MYO3B: variants seen among roughly 807,000 people sequenced by gnomAD.
MYO3B encodes the protein myosin-IIIb.
In MYO3B, 156 loss-of-function variants were observed where a neutral mutation model predicts 174.6. The observed-to-expected ratio is 0.89, with a 90% CI of 0.78 to 1.02. MYO3B has a LOEUF of 1.02. MYO3B is among the 50% of genes least tolerant of loss of function. The probability of loss-of-function intolerance (pLI) is 0.00; values close to 1 mark genes in which losing one functional copy is unlikely to be tolerated. For missense variants in MYO3B, 1,632 were observed against 1,639.4 expected, an observed-to-expected ratio of 1.00 and a Z score of 0.08; for synonymous variants, 563 against 569.1, an observed-to-expected ratio of 0.99 and a Z score of 0.15.
chr2:170,480,350 T>G (rs1002564231), intron 25 of MYO3B, among the ~76,000 whole-genome samples: 32 of 152,066 alleles, frequency 2.1e-4, no homozygotes, highest in African/African-American at 7.7e-4. Flanking sequence ...CCCAAGAGGT[T>G]TGGATTCTGG....
At chr2:170,313,629 C>G (rs764156042) in intron 7 of MYO3B, among the ~76,000 whole-genome samples, 13 of 152,178 alleles carry the variant, frequency 8.5e-5, no homozygotes, top group Admixed American at 3.9e-4. Context: ...TGTCAGCAAG[C>G]ATGATCTCTT....
intron 32 of MYO3B, among the ~76,000 whole-genome samples, chr2:170,646,271 C>CAA (rs746578328): frequency 1.3e-3 from 155 of 121,344 alleles, no homozygotes; most frequent in Admixed American, 1.8e-3. Context: ...AACTCTGTCT[C>CAA]AAAAAAAAAA....
At chr2:170,399,750 A>C (rs2094463298) in intron 16 of MYO3B, among the ~76,000 whole-genome samples, 1 of 152,206 alleles carries the variant, frequency 6.6e-6, no homozygotes, top group Non-Finnish European at 1.5e-5. Context: ...GGTATTAGTT[A>C]GGGTAAAAGG....
chr2:170,549,104 C>T (rs542788529), intron 32 of MYO3B, among the ~76,000 whole-genome samples: 1 of 152,164 alleles, frequency 6.6e-6, no homozygotes, highest in South Asian at 2.1e-4. Context: ...TATTAGGTAC[C>T]ATGCCAGGCC....
intron 32 of MYO3B, among the ~76,000 whole-genome samples, chr2:170,623,810 G>A (rs1696150387): frequency 6.6e-6 from 1 of 152,090 alleles, no homozygotes; most frequent in Admixed American, 6.5e-5. Flanking sequence ...AGTTTTCCCA[G>A]CACCATTTGT....
intron 32 of MYO3B, chr2:170,640,356 T>G (rs1418632308): frequency 2.6e-5 from 4 of 152,234 alleles, no homozygotes; most frequent in Non-Finnish European, 4.4e-5. Flanking sequence ...ATGTTTTATC[T>G]TTTCATATAT....
intron 16 of MYO3B, among the ~76,000 whole-genome samples, chr2:170,395,547 T>C (rs1350546748): frequency 1.3e-5 from 2 of 152,160 alleles, no homozygotes; most frequent in Non-Finnish European, 2.9e-5. Context: ...GATTGAAGGA[T>C]TATATGTGAA....
At chr2:170,310,218 T>A (rs553517347) in intron 7 of MYO3B, among the ~76,000 whole-genome samples, 1 of 152,280 alleles carries the variant, frequency 6.6e-6, no homozygotes, top group South Asian at 2.1e-4. Flanking sequence ...CTGTAAAATA[T>A]TTGAAGAGAT....
At chr2:170,525,212 G>A (rs1317873853) in intron 30 of MYO3B, among the ~76,000 whole-genome samples, 1 of 152,170 alleles carries the variant, frequency 6.6e-6, no homozygotes, top group Non-Finnish European at 1.5e-5. Context: ...AGTTAACTTG[G>A]CTGGAGAGAA....
chr2:170,639,584 A>G (rs1697797606), intron 32 of MYO3B, among the ~76,000 whole-genome samples: 1 of 152,226 alleles, frequency 6.6e-6, no homozygotes. Context: ...GCAAAACAAA[A>G]AGACAGCAAG....
chr2:170,534,313 A>G (rs532388329), intron 30 of MYO3B, among the ~76,000 whole-genome samples: 1 of 152,244 alleles, frequency 6.6e-6, no homozygotes, highest in Non-Finnish European at 1.5e-5. Context: ...TGCACTGGGA[A>G]GCCAAAAAAT....
In MYO3B at chr2:170,543,906, G is replaced by A. The variant is rs752826061; in HGVS notation, c.3651G>A (p.Gly1217=). The change falls in exon 32 of 35, where the codon GGG becomes GGA. Residue 1217 remains glycine, a synonymous_variant. Coordinates refer to ENST00000408978, the MANE Select transcript of MYO3B (RefSeq NM_138995.5). ...AGHANKHSVS[G]TDLLSSRICH... ...TTTTTCTGAAGCACTCGGTTTCTGG[G>A]ACTGATTTGCTGTCTTCTCGGATAT... 1 of 1,612,868 alleles carries A rather than the reference G, an allele frequency of 6.2e-7. No homozygotes were observed.
rs557697749 is a variant in MYO3B at position 170,490,090 on chromosome 2, G to A, written c.3015-8502G>A. On this transcript the variant is annotated intron_variant, in intron 25 of 34. Coordinates refer to ENST00000408978, the MANE Select transcript of MYO3B (RefSeq NM_138995.5). Reference sequence around the variant, plus strand: ...GTTGCCCAGGCTGGAGTGCAGTGGCGTGATCTTGGCTCACTGCAACCTCCG... The same window carrying A: ...GTTGCCCAGGCTGGAGTGCAGTGGCATGATCTTGGCTCACTGCAACCTCCG... Among the ~76,000 whole-genome samples, 118 of 148,254 alleles carry A rather than the reference G, an allele frequency of 8.0e-4. 1 individual carries two copies. Among genetic ancestry groups the A allele is most frequent in the South Asian group, 2.8e-3 (13 of 4,714 alleles).
chr2:170,272,397 T>C (rs921224591), intron 7 of MYO3B, among the ~76,000 whole-genome samples: 1 of 152,172 alleles, frequency 6.6e-6, no homozygotes, highest in African/African-American at 2.4e-5. Context: ...CTGGTCTCCC[T>C]ACTTCCAGAG....
At position 170,600,814 on chromosome 2, in the gene MYO3B, A is replaced by G. The variant is rs188848607; in HGVS notation, c.3734-50814A>G. Among the ~76,000 whole-genome samples the G allele has an allele frequency of 4.3e-4, 66 of 152,328 alleles. 1 individual carries two copies. In the East Asian group the frequency reaches 0.011, roughly 25 times the overall value. ...GTTAAAGAATAGAGTCCTCATGTAA[A>G]GGATAAAGCATACTTTTCTATTAGT... is the stretch of plus-strand genomic sequence containing the variant. On this transcript the variant is annotated intron_variant, in intron 32 of 34. Coordinates refer to ENST00000408978, the MANE Select transcript of MYO3B (RefSeq NM_138995.5).
chr2:170,297,051 C>T (rs1404278247), intron 7 of MYO3B, among the ~76,000 whole-genome samples: 1 of 152,174 alleles, frequency 6.6e-6, no homozygotes, highest in East Asian at 1.9e-4. Context: ...GGTGGGTACA[C>T]AGATCCGAAC....
At chr2:170,632,116 C>T (rs931517932) in intron 32 of MYO3B, among the ~76,000 whole-genome samples, 1 of 152,176 alleles carries the variant, frequency 6.6e-6, no homozygotes. Flanking sequence ...TTGAACTCAG[C>T]TCTGCACCAA....
intron 7 of MYO3B, among the ~76,000 whole-genome samples, chr2:170,270,864 C>T (rs935123427): frequency 6.6e-6 from 1 of 152,060 alleles, no homozygotes; most frequent in Non-Finnish European, 1.5e-5. Context: ...GTTTCATAAG[C>T]CTTTTGTAGT....
intron 8 of MYO3B, chr2:170,338,028 T>C (rs527469364): frequency 6.6e-5 from 10 of 152,258 alleles, no homozygotes; most frequent in African/African-American, 2.4e-4. Flanking sequence ...TGTTCAAGGG[T>C]CAACTATGCA....
Sources: gnomAD v4.1 joint callset for allele counts (sites outside exome capture counted in the v4.1 genomes callset) on GRCh38, gnomAD v4.1.1 for gene constraint, MANE v1.5 for transcripts, NCBI Gene and HGNC (gene_info 2026-07-23, HGNC 2026-07-21) for gene names.